Variants in CDYL observed in about 807,000 individuals in gnomAD.
CDYL encodes chromodomain Y-like protein.
In CDYL, 8 loss-of-function variants were observed where a neutral mutation model predicts 47.3. The observed-to-expected ratio is 0.17, with a 90% CI of 0.10 to 0.31. The LOEUF is 0.31. CDYL is among the 10% of genes least tolerant of loss of function. The pLI is 1.00. For missense variants in CDYL, 471 were observed against 701.4 expected, an observed-to-expected ratio of 0.67 and a Z score of 3.71; for synonymous variants, 266 against 265.0, an observed-to-expected ratio of 1.00 and a Z score of -0.04.
At chr6:4,848,315 C>CT (rs888406364) in intron 1 of CDYL, among the ~76,000 whole-genome samples, 3 of 152,066 alleles carry the variant, frequency 2.0e-5, no homozygotes, top group Admixed American at 6.6e-5. Context: ...ATTCTTGGTG[C>CT]TTTTTTTCCA....
chr6:4,760,763 C>T (rs1188474091), intron 3 of CDYL, among the ~76,000 whole-genome samples: 1 of 152,028 alleles, frequency 6.6e-6, no homozygotes, highest in Non-Finnish European at 1.5e-5. Flanking sequence ...AGGGAGAAAT[C>T]TGGGCTTAAT....
intron 1 of CDYL, among the ~76,000 whole-genome samples, chr6:4,825,663 C>G (rs1759961825): frequency 6.6e-6 from 1 of 152,044 alleles, no homozygotes. Flanking sequence ...TATTAAACCA[C>G]CCTTGTATTC....
chr6:4,709,138 T>C (rs1757103106), intron 1 of CDYL, among the ~76,000 whole-genome samples: 2 of 152,190 alleles, frequency 1.3e-5, no homozygotes, highest in African/African-American at 2.4e-5. Flanking sequence ...ATACACCTCA[T>C]GCTTCTTAGG....
intron 3 of CDYL, among the ~76,000 whole-genome samples, chr6:4,750,361 C>A (rs1328831941): frequency 2.6e-5 from 4 of 152,024 alleles, no homozygotes; most frequent in African/African-American, 9.7e-5. Context: ...CACCACCATG[C>A]CCGGCTAATT....
At chr6:4,820,143 A>G (rs76769363) in intron 1 of CDYL, among the ~76,000 whole-genome samples, 4,041 of 152,272 alleles carry the variant, frequency 0.027, 183 homozygotes, top group African/African-American at 0.092. Context: ...TCTTAGAGCC[A>G]CAGATGCCAG....
chr6:4,886,181 A>G (rs910490454), intron 1 of CDYL, among the ~76,000 whole-genome samples: 1 of 152,192 alleles, frequency 6.6e-6, no homozygotes, highest in Admixed American at 6.5e-5. Flanking sequence ...CTTTTTGAGT[A>G]TTATAAACAG....
intron 2 of CDYL, among the ~76,000 whole-genome samples, chr6:4,931,192 A>T (rs1242218142): frequency 6.6e-6 from 1 of 152,186 alleles, no homozygotes; most frequent in East Asian, 1.9e-4. Context: ...TGTTGTATGC[A>T]CTGGGGATGG....
At chr6:4,749,311 G>GGATA (rs1757949361) in intron 3 of CDYL, among the ~76,000 whole-genome samples, 1 of 126,450 alleles carries the variant, frequency 7.9e-6, no homozygotes, top group South Asian at 3.0e-4. Flanking sequence ...ATGGATAGAT[G>GGATA]GATGGATGGA....
Position 4,937,593 on chromosome 6 carries a change from G to A in CDYL, c.977G>A (p.Ser326Asn). ...EVMREVQSAL[S>N]TAAADDSKLV... ...ATGAGAGAAGTCCAGAGTGCTCTGAGCACGGCCGCTGCCGATGACAGCAAG... is the reference window on the plus strand; with the variant it reads ...ATGAGAGAAGTCCAGAGTGCTCTGAACACGGCCGCTGCCGATGACAGCAAG... Residue 326 changes from serine to asparagine, a missense_variant, in exon 4 of 7, where the codon AGC (serine) becomes AAC (asparagine). Ser to Asn is a conservative substitution (Grantham distance 46). Around this residue, in one of 3 missense-constraint regions of CDYL, gnomAD observed 103 missense variants for 277.1 expected, o/e 0.37. Transcript: ENST00000397588. The A allele has an allele frequency of 6.3e-7, 1 of 1,595,444 alleles. No individual in the cohort carries two copies. Among genetic ancestry groups the A allele is most frequent in the Non-Finnish European group, 8.5e-7 (1 of 1,172,510 alleles).
At chr6:4,933,734 C>A (rs1366195231) in intron 2 of CDYL, among the ~76,000 whole-genome samples, 2 of 152,116 alleles carry the variant, frequency 1.3e-5, no homozygotes, top group Admixed American at 6.5e-5. Flanking sequence ...AACATCCGAC[C>A]CAGTGGTCTC....
chr6:4,804,794 A>G (rs531819859), intron 1 of CDYL, among the ~76,000 whole-genome samples: 57 of 152,346 alleles, frequency 3.7e-4, no homozygotes, highest in Non-Finnish European at 6.9e-4. Context: ...TGGCAAATTA[A>G]CATTCAAGAA....
chr6:4,861,538 T>A (rs768282225), intron 1 of CDYL, among the ~76,000 whole-genome samples: 2 of 152,212 alleles, frequency 1.3e-5, no homozygotes, highest in Non-Finnish European at 2.9e-5. Flanking sequence ...GGGAAGAGAC[T>A]GTAGGACAGG....
intron 1 of CDYL, among the ~76,000 whole-genome samples, chr6:4,866,591 A>T (rs1174656074): frequency 6.6e-6 from 1 of 152,140 alleles, no homozygotes; most frequent in Non-Finnish European, 1.5e-5. Context: ...CATTTTCTTC[A>T]GTGTCATTTT....
At chr6:4,707,329 G>A (rs1468667027) in intron 1 of CDYL, among the ~76,000 whole-genome samples, 3 of 152,174 alleles carry the variant, frequency 2.0e-5, no homozygotes, top group Non-Finnish European at 4.4e-5. Flanking sequence ...AGGCTGGAGT[G>A]CAGTGGCGTA....
Position 4,706,703 on chromosome 6 carries a change from C to T in CDYL, c.-39+452C>T, listed in dbSNP as rs553137963. Reference sequence around the variant, plus strand: ...ACTCTGGAGGCTGAGGAATAAGAATCGCTTGAATCCTGGAGGCAGAGCCTG... The same window carrying T: ...ACTCTGGAGGCTGAGGAATAAGAATTGCTTGAATCCTGGAGGCAGAGCCTG... On this transcript the variant is annotated intron_variant, in intron 1 of 8. Coordinates refer to the CDYL transcript ENST00000328908. Among the ~76,000 whole-genome samples, 35 of 152,210 alleles carry T rather than the reference C, an allele frequency of 2.3e-4. 1 individual carries two copies. The highest frequency in any genetic ancestry group is 1.5e-3 in the South Asian group (7 of 4,814).
chr6:4,882,356 A>C (rs1197851311), intron 1 of CDYL, among the ~76,000 whole-genome samples: 1 of 152,156 alleles, frequency 6.6e-6, no homozygotes, highest in African/African-American at 2.4e-5. Flanking sequence ...ATGGTCCTTC[A>C]CTTTGCTGCC....
intron 1 of CDYL, among the ~76,000 whole-genome samples, chr6:4,830,392 GT>G (rs1760101913): frequency 6.6e-6 from 1 of 152,108 alleles, no homozygotes; most frequent in Non-Finnish European, 1.5e-5. Context: ...GGCATTGATA[GT>G]TTTCCTTCCC....
chr6:4,786,896 A>C (rs191182933), intron 1 of CDYL, among the ~76,000 whole-genome samples: 126 of 152,238 alleles, frequency 8.3e-4, no homozygotes, highest in African/African-American at 2.9e-3. Flanking sequence ...ATTTTCAGCC[A>C]TCTGCCAGGT....
chr6:4,870,007 TATTTG>T (rs1206936417), intron 1 of CDYL, among the ~76,000 whole-genome samples: 1 of 152,258 alleles, frequency 6.6e-6, no homozygotes, highest in Non-Finnish European at 1.5e-5. Context: ...GATTTTCATT[TATTTG>T]GGAATATCTT....
Sources: allele counts gnomAD v4.1 joint callset (sites outside exome capture counted in the v4.1 genomes callset), GRCh38; gene constraint gnomAD v4.1.1; regional missense constraint gnomAD v4.1.1; transcripts MANE v1.5; gene names NCBI Gene and HGNC (gene_info 2026-07-23, HGNC 2026-07-21).